The following TTLL5 variants were observed in gnomAD, a reference collection of about 807,000 sequenced individuals.
The protein encoded by TTLL5 is tubulin tyrosine ligase like 5, also known as tubulin polyglutamylase TTLL5.
A neutral mutation model predicts 168.4 loss-of-function variants in TTLL5; 132 were observed. The observed-to-expected ratio is 0.78, with a 90% CI of 0.68 to 0.91. The LOEUF (loss-of-function observed/expected upper bound fraction) is 0.91, where lower values mean the gene tolerates loss of function less well. TTLL5 is among the 40% of genes least tolerant of loss of function. TTLL5 has a pLI of 0.00. For missense variants in TTLL5, 1,545 were observed against 1,581.5 expected (o/e 0.98, Z 0.39); for synonymous variants, 546 against 558.6 (o/e 0.98, Z 0.32).
At chr14:75,678,865 G>A (rs1359274042) in intron 3 of TTLL5, among the ~76,000 whole-genome samples, 2 of 152,176 alleles carry the variant, frequency 1.3e-5, no homozygotes. Flanking sequence ...TTTGTTATAA[G>A]CATTCTCTGG....
At chr14:75,670,572 C>A (rs1223402908) in intron 3 of TTLL5, among the ~76,000 whole-genome samples, 3 of 152,218 alleles carry the variant, frequency 2.0e-5, no homozygotes, top group Non-Finnish European at 4.4e-5. Context: ...CACATCCTCA[C>A]TAACATTTGA....
In TTLL5 at chr14:75,708,840, A is replaced by C. The variant is rs181374254; in HGVS notation, c.740+1133A>C. Among the ~76,000 whole-genome samples, 208 of 152,268 alleles carry C rather than the reference A, an allele frequency of 1.4e-3. 1 individual carries two copies. Among genetic ancestry groups the C allele is most frequent in the African/African-American group, 4.9e-3 (203 of 41,544 alleles). On this transcript the variant is annotated intron_variant, in intron 9 of 31. Coordinates refer to ENST00000298832, the MANE Select transcript of TTLL5 (RefSeq NM_015072.5). Reference sequence around the variant, plus strand: ...GTATTAGCCAACTAGTTTGCCCTGAAGTTCTTTTTATGCGTAGTGCCTTTG... The same window carrying C: ...GTATTAGCCAACTAGTTTGCCCTGACGTTCTTTTTATGCGTAGTGCCTTTG...
chr14:75,725,696 T>C (rs1045266120), intron 12 of TTLL5, among the ~76,000 whole-genome samples: 2 of 152,174 alleles, frequency 1.3e-5, no homozygotes, highest in African/African-American at 4.8e-5. Flanking sequence ...ATTCTCCCTC[T>C]GCTCTCCCGT....
chr14:75,886,499 A>G (rs2032128785), intron 30 of TTLL5, among the ~76,000 whole-genome samples: 1 of 152,196 alleles, frequency 6.6e-6, no homozygotes, highest in South Asian at 2.1e-4. Context: ...TGATGCTTTC[A>G]AGCCATTTTC....
At chr14:75,833,709 A>G (rs1361077006) in intron 28 of TTLL5, among the ~76,000 whole-genome samples, 2 of 152,188 alleles carry the variant, frequency 1.3e-5, no homozygotes, top group Admixed American at 1.3e-4. Context: ...CCATGTAAAC[A>G]TTTCTATGTC....
chr14:75,779,405 T>C (rs180709479), intron 23 of TTLL5, among the ~76,000 whole-genome samples, 170 bp from the exon 24 acceptor site: 36 of 152,312 alleles, frequency 2.4e-4, no homozygotes, highest in Admixed American at 1.4e-3. Flanking sequence ...TTTAAATTTT[T>C]TAGATTGCTT....
chr14:75,917,467 G>A (rs577555286), intron 31 of TTLL5, among the ~76,000 whole-genome samples: 2 of 152,338 alleles, frequency 1.3e-5, no homozygotes, highest in Non-Finnish European at 1.5e-5. Context: ...TAAGCGGCTG[G>A]TGATCAGGCC....
At chr14:75,764,244 C>T (rs1322522898) in intron 18 of TTLL5, among the ~76,000 whole-genome samples, 1 of 152,094 alleles carries the variant, frequency 6.6e-6, no homozygotes, top group Non-Finnish European at 1.5e-5. Flanking sequence ...GAAACAAACA[C>T]CATTTGCCAC....
intron 31 of TTLL5, among the ~76,000 whole-genome samples, chr14:75,924,859 GC>G (rs2033959187): frequency 6.6e-6 from 1 of 151,858 alleles, no homozygotes; most frequent in African/African-American, 2.4e-5. Context: ...AGTAGGGGCG[GC>G]CGGGCAGAGG....
intron 29 of TTLL5, among the ~76,000 whole-genome samples, chr14:75,878,789 A>G (rs904084744): frequency 6.6e-6 from 1 of 152,212 alleles, no homozygotes; most frequent in African/African-American, 2.4e-5. Context: ...GTCCTACCAT[A>G]AATTTTGCAT....
intron 31 of TTLL5, among the ~76,000 whole-genome samples, chr14:75,948,169 TAAGA>T (rs998472548): frequency 1.9e-4 from 12 of 64,044 alleles, no homozygotes; most frequent in African/African-American, 5.9e-4. Context: ...TTTTGGAAAT[TAAGA>T]AAGAGTTAAC....
chr14:75,866,183 A>C (rs1447244551), intron 29 of TTLL5, among the ~76,000 whole-genome samples: 2 of 152,266 alleles, frequency 1.3e-5, no homozygotes, highest in East Asian at 3.8e-4. Flanking sequence ...ATCATTCCAC[A>C]GTGGAAGCAA....
At chr14:75,915,521 G>T (rs1284679380) in intron 31 of TTLL5, among the ~76,000 whole-genome samples, 1 of 152,168 alleles carries the variant, frequency 6.6e-6, no homozygotes, top group South Asian at 2.1e-4. Flanking sequence ...ACTGACCTGT[G>T]TGGGCCCTGT....
At chr14:75,697,874 C>T (rs935756627) in intron 6 of TTLL5, among the ~76,000 whole-genome samples, 6 of 152,126 alleles carry the variant, frequency 3.9e-5, no homozygotes, top group African/African-American at 7.2e-5. Flanking sequence ...GATATCTTGG[C>T]GCACAGCAAC....
intron 31 of TTLL5, among the ~76,000 whole-genome samples, chr14:75,924,580 CAG>C (rs2140146341): frequency 6.6e-6 from 1 of 152,000 alleles, no homozygotes; most frequent in African/African-American, 2.4e-5. Flanking sequence ...GCACATGTTT[CAG>C]AGAGCACAGG....
At position 75,764,769 on chromosome 14, in the gene TTLL5, C is replaced by T. The variant is rs764559135; in HGVS notation, c.1705C>T (p.Pro569Ser). Reference protein sequence around the residue: ...SRLRAMRPKYPVITQPAEMNV... With the variant: ...SRLRAMRPKYSVITQPAEMNV... ...ATTGAGGGCAATGAGGCCAAAATAC[C>T]CAGGTACCTGCTGGTGAGCTTTCAC... is the stretch of plus-strand genomic sequence containing the variant. Residue 569 changes from proline to serine, a missense_variant, in exon 19 of 32, where the codon CCA becomes TCA. Coordinates refer to ENST00000298832, the MANE Select transcript of TTLL5 (RefSeq NM_015072.5). 1.2e-6 allele frequency: 2 copies of T among 1,613,990 alleles called. No homozygotes were observed. Among genetic ancestry groups the T allele is most frequent in the Admixed American group, 3.3e-5 (2 of 60,006 alleles).
intron 15 of TTLL5, among the ~76,000 whole-genome samples, chr14:75,743,873 G>A (rs750041604): frequency 3.3e-5 from 5 of 152,030 alleles, no homozygotes; most frequent in Non-Finnish European, 7.4e-5. Flanking sequence ...GAGCCACCGT[G>A]CCCAGCCACC....
chr14:75,853,417 G>A (rs1006481962), intron 28 of TTLL5, among the ~76,000 whole-genome samples: 8 of 152,038 alleles, frequency 5.3e-5, no homozygotes, highest in African/African-American at 1.2e-4. Flanking sequence ...CTGTGGACTC[G>A]CCTGACAAGT....
At chr14:75,922,545 C>T (rs935676265) in intron 31 of TTLL5, among the ~76,000 whole-genome samples, 1 of 152,014 alleles carries the variant, frequency 6.6e-6, no homozygotes, top group Non-Finnish European at 1.5e-5. Flanking sequence ...TGTTGATTTG[C>T]GTATGTTGAA....
Sources: allele counts gnomAD v4.1 joint callset (sites outside exome capture counted in the v4.1 genomes callset), GRCh38; gene constraint gnomAD v4.1.1; transcripts MANE v1.5; gene names NCBI Gene and HGNC (gene_info 2026-07-23, HGNC 2026-07-21).